The following WFDC3 variants were observed in gnomAD, a reference collection of about 807,000 sequenced individuals.
WFDC3 encodes the protein WAP four-disulfide core domain 3, also known as WAP four-disulfide core domain protein 3.
WFDC3 carries 15 observed loss-of-function variants against 25.8 expected under a neutral mutation model. The observed-to-expected ratio is 0.58, with a 90% CI of 0.39 to 0.89. WFDC3 has a LOEUF of 0.89. Among genes scored for constraint, WFDC3 ranks in the 40% least tolerant of loss-of-function variants. The pLI is 0.00. For synonymous variants in WFDC3, 103 were observed against 107.1 expected (o/e 0.96, Z 0.24); for missense variants, 264 against 289.8 (o/e 0.91, Z 0.65).
chr20:45,781,245 T>C (rs1980432034), intron 4 of WFDC3, among the ~76,000 whole-genome samples: 3 of 146,612 alleles, frequency 2.0e-5, no homozygotes, highest in South Asian at 4.4e-4. Context: ...CGAGACTCCA[T>C]CTCAAACACA....
intron 5 of WFDC3, among the ~76,000 whole-genome samples, chr20:45,776,658 ATATG>A (rs1363397508): frequency 5.2e-5 from 5 of 95,298 alleles, no homozygotes; most frequent in African/African-American, 1.8e-4. Flanking sequence ...ATATATATAT[ATATG>A]TGTGTGTGTG....
chr20:45,784,046 G>A (rs1276335372), intron 4 of WFDC3, among the ~76,000 whole-genome samples: 1 of 152,198 alleles, frequency 6.6e-6, no homozygotes, highest in Non-Finnish European at 1.5e-5. Flanking sequence ...GGCTGGCCAG[G>A]GGCCAGAGCA....
intron 4 of WFDC3, among the ~76,000 whole-genome samples, chr20:45,787,110 A>AAAG (rs1365212523): frequency 6.9e-6 from 1 of 144,634 alleles, no homozygotes; most frequent in Non-Finnish European, 1.5e-5. Flanking sequence ...AAAAAAAAAA[A>AAAG]AAAAAAAAGA....
intron 4 of WFDC3, among the ~76,000 whole-genome samples, chr20:45,785,238 G>A (rs1007002853): frequency 6.6e-6 from 1 of 152,086 alleles, no homozygotes; most frequent in African/African-American, 2.4e-5. Context: ...TGGGAGCCAA[G>A]GTGGGCAGAT....
At chr20:45,789,589 C>T (rs905463944) in intron 2 of WFDC3, among the ~76,000 whole-genome samples, 7 of 152,100 alleles carry the variant, frequency 4.6e-5, no homozygotes, top group African/African-American at 1.7e-4. Flanking sequence ...AAAGGAGCAG[C>T]CATCCTGCAG....
intron 4 of WFDC3, 111 bp from the exon 5 acceptor site, chr20:45,777,320 T>C: frequency 1.8e-6 from 2 of 1,095,298 alleles, no homozygotes; most frequent in Non-Finnish European, 2.3e-6. Flanking sequence ...ACATATATAA[T>C]GTAAATATTT....
At chr20:45,787,534 G>A (rs1022670744) in intron 4 of WFDC3, among the ~76,000 whole-genome samples, 34 of 151,632 alleles carry the variant, frequency 2.2e-4, no homozygotes, top group Non-Finnish European at 4.0e-4. Context: ...CTCGTGATCC[G>A]CCCGCCTTGG....
chr20:45,788,832 T>C, intron 3 of WFDC3, 99 bp downstream of exon 3: 5 of 1,491,802 alleles, frequency 3.4e-6, no homozygotes, highest in Non-Finnish European at 4.5e-6. Flanking sequence ...AAGGGAGACT[T>C]CCAGAGGCAA....
chr20:45,790,441 C>T (rs1980904915), intron 1 of WFDC3, among the ~76,000 whole-genome samples: 1 of 152,142 alleles, frequency 6.6e-6, no homozygotes, highest in Non-Finnish European at 1.5e-5. Context: ...ATCCTAGCAA[C>T]CAAGAAAATA....
intron 6 of WFDC3, among the ~76,000 whole-genome samples, chr20:45,775,079 T>G (rs1184263815): frequency 6.6e-6 from 1 of 152,070 alleles, no homozygotes; most frequent in Non-Finnish European, 1.5e-5. Context: ...CTATCTGGCA[T>G]GTCCCTGTGC....
chr20:45,775,722 C>A, intron 5 of WFDC3, 120 bp from the exon 6 acceptor site: 2 of 1,270,382 alleles, frequency 1.6e-6, no homozygotes, highest in Non-Finnish European at 2.2e-6. Context: ...TCACTAGACC[C>A]AACTAAACTG....
chr20:45,779,075 C>T (rs1980323946), intron 4 of WFDC3, among the ~76,000 whole-genome samples: 2 of 152,196 alleles, frequency 1.3e-5, no homozygotes, highest in Non-Finnish European at 2.9e-5. Context: ...CAAGGCAGGA[C>T]AACACTCAGC....
chr20:45,781,812 C>T (rs747227346), intron 4 of WFDC3, among the ~76,000 whole-genome samples: 11 of 152,182 alleles, frequency 7.2e-5, no homozygotes, highest in Non-Finnish European at 1.5e-4. Context: ...GCACAGTGAA[C>T]CACTCTTATC....
At chr20:45,788,313 A>AAGAG (rs1555813962) in intron 3 of WFDC3, 1 of 169,480 alleles carries the variant, frequency 5.9e-6, no homozygotes. Context: ...TCAAAAAAAA[A>AAGAG]AGAGAGAGAG....
intron 4 of WFDC3, among the ~76,000 whole-genome samples, chr20:45,780,348 G>A (rs1467812537): frequency 3.3e-5 from 5 of 152,146 alleles, no homozygotes; most frequent in South Asian, 4.2e-4. Flanking sequence ...AAGTGCTGAC[G>A]TCACAGGCAT....
intron 4 of WFDC3, 108 bp downstream of exon 4, chr20:45,787,728 G>A (rs1980749877): frequency 7.2e-7 from 1 of 1,381,790 alleles, no homozygotes; most frequent in Non-Finnish European, 9.7e-7. Flanking sequence ...TTTTTTTAAG[G>A]TCTTAGAATA....
At chr20:45,791,043 G>T (rs1601020943) in intron 1 of WFDC3, 1 of 451,062 alleles carries the variant, frequency 2.2e-6, no homozygotes, top group Non-Finnish European at 4.5e-6. Flanking sequence ...CTATGGGCAG[G>T]TACAAGGTAA....
Position 45,776,619 on chromosome 20 carries a change from AAAG to A in WFDC3, c.493+453_493+455del, listed in dbSNP as rs1568697373. ...TCTCAAAAAAAAAAAAAAAGAAAAA[AAAG>A]AAAAAAAAAAAAAATATATATATAT... On this transcript the variant is annotated intron_variant, in intron 5 of 6. Transcript: ENST00000243938. 2.8e-4 allele frequency among the ~76,000 whole-genome samples: 22 copies of A among 79,202 alleles called. 1 individual carries two copies. Among genetic ancestry groups the A allele is most frequent in the African/African-American group, 8.5e-4 (15 of 17,620 alleles). The allele number at this position is 79,202 out of a possible 152,430, so 52.0% of individuals were successfully genotyped here. A position where few individuals can be genotyped will look rare whatever the true frequency, so the allele number is the denominator to read the frequency against.
At chr20:45,791,173 C>CTTTTTTTT (rs71181859) in intron 1 of WFDC3, among the ~76,000 whole-genome samples, 6 of 63,916 alleles carry the variant, frequency 9.4e-5, no homozygotes, top group African/African-American at 2.9e-4. Context: ...GCCTAATATG[C>CTTTTTTTT]TTTTTTTTTT....
Sources: allele counts gnomAD v4.1 joint callset (sites outside exome capture counted in the v4.1 genomes callset), GRCh38; gene constraint gnomAD v4.1.1; transcripts MANE v1.5; gene names NCBI Gene and HGNC (gene_info 2026-07-23, HGNC 2026-07-21).